The following KCNQ5 variants were observed in gnomAD, a reference collection of about 807,000 sequenced individuals.
KCNQ5 encodes potassium voltage-gated channel subfamily Q member 5, also known as potassium voltage-gated channel subfamily KQT member 5.
KCNQ5 carries 30 observed loss-of-function variants against 98.2 expected under a neutral mutation model. The observed-to-expected ratio is 0.31, with a 90% CI of 0.23 to 0.41. KCNQ5 has a LOEUF of 0.41. KCNQ5 is among the 10% of genes least tolerant of loss of function. The probability of loss-of-function intolerance (pLI) is 1.00; values close to 1 mark genes in which losing one functional copy is unlikely to be tolerated. For missense variants in KCNQ5, 835 were observed against 1,182.5 expected (o/e 0.71, Z 4.31); for synonymous variants, 458 against 449.4 (o/e 1.02, Z -0.24).
chr6:73,017,148 G>T (rs924755300), intron 2 of KCNQ5, among the ~76,000 whole-genome samples: 11 of 152,132 alleles, frequency 7.2e-5, no homozygotes, highest in African/African-American at 2.2e-4. Flanking sequence ...TCCCAAAAAT[G>T]AATAAGGCAT....
chr6:72,939,358 A>C (rs750365518), intron 1 of KCNQ5, among the ~76,000 whole-genome samples: 1 of 152,182 alleles, frequency 6.6e-6, no homozygotes, highest in Non-Finnish European at 1.5e-5. Context: ...ATTCCAGCCC[A>C]TGCGTTCTTT....
At chr6:72,807,890 G>T (rs751628865) in intron 1 of KCNQ5, among the ~76,000 whole-genome samples, 3 of 152,188 alleles carry the variant, frequency 2.0e-5, no homozygotes, top group Non-Finnish European at 2.9e-5. Flanking sequence ...AGCTGCAAGC[G>T]CAAATCCCTA....
rs564542995 is a variant in KCNQ5, at chr6:72,853,007, C to A, written c.399-150901C>A. Among the ~76,000 whole-genome samples the A allele has an allele frequency of 2.5e-3, 373 of 152,142 alleles. 1 individual carries two copies. The highest frequency in any genetic ancestry group is 4.1e-3 in the Admixed American group (63 of 15,280). On this transcript the variant is annotated intron_variant, in intron 1 of 13. Coordinates refer to ENST00000370398, the MANE Select transcript of KCNQ5 (RefSeq NM_019842.4). ...GAAGTATTTATACCATGGAAAATGG[C>A]AAATGCTGTGCATTAGCATTTATTT...
intron 1 of KCNQ5, chr6:72,986,310 T>C (rs1768774435): frequency 3.1e-6 from 1 of 319,670 alleles, no homozygotes; most frequent in East Asian, 5.0e-5. Context: ...GGGGTCACAG[T>C]GGAGCAGGCT....
intron 8 of KCNQ5, among the ~76,000 whole-genome samples, chr6:73,120,863 A>G (rs568953889): frequency 1.3e-5 from 2 of 152,316 alleles, no homozygotes; most frequent in East Asian, 3.9e-4. Flanking sequence ...CATTTCGTAA[A>G]GCCCACCAGC....
chr6:72,872,606 A>G (rs891375053), intron 1 of KCNQ5, among the ~76,000 whole-genome samples: 2 of 152,138 alleles, frequency 1.3e-5, no homozygotes, highest in African/African-American at 2.4e-5. Flanking sequence ...TAATGTGCTT[A>G]AGTAATTCAG....
intron 3 of KCNQ5, chr6:73,055,804 AC>A: frequency 2.4e-6 from 2 of 828,320 alleles, no homozygotes; most frequent in African/African-American, 1.7e-5. Flanking sequence ...GGATGAAGAG[AC>A]CATGTGCAAA....
rs576653238 is a variant in KCNQ5, at chr6:72,828,675, ACTT to A, written c.399-175226_399-175224del. Among the ~76,000 whole-genome samples the A allele has an allele frequency of 5.7e-4, 86 of 152,094 alleles. No homozygotes were observed. In the Middle Eastern group the frequency reaches 0.01, roughly 18 times the overall value. On this transcript the variant is annotated intron_variant, in intron 1 of 13. Transcript: ENST00000370398. ...TCACGTCACCTACAGAGACAATCTG[ACTT>A]CTTCTTTTCCTCTTTAAAAAAAATC...
At chr6:72,858,894 G>A (rs113955256) in intron 1 of KCNQ5, among the ~76,000 whole-genome samples, 9 of 152,196 alleles carry the variant, frequency 5.9e-5, no homozygotes, top group African/African-American at 2.2e-4. Flanking sequence ...GTCAATGCTG[G>A]TTTCTTGGTT....
intron 1 of KCNQ5, among the ~76,000 whole-genome samples, chr6:72,867,612 T>C (rs1778039510): frequency 6.6e-6 from 1 of 152,058 alleles, no homozygotes; most frequent in African/African-American, 2.4e-5. Flanking sequence ...GAAAAGAAAT[T>C]GCAGAGGTAA....
At chr6:73,061,905 A>G (rs1772799038) in intron 3 of KCNQ5, among the ~76,000 whole-genome samples, 1 of 152,192 alleles carries the variant, frequency 6.6e-6, no homozygotes, top group African/African-American at 2.4e-5. Context: ...ACCTACAATC[A>G]GAAAAAAATT....
chr6:72,999,824 T>C (rs911946535), intron 1 of KCNQ5, among the ~76,000 whole-genome samples: 1 of 152,194 alleles, frequency 6.6e-6, no homozygotes, highest in Non-Finnish European at 1.5e-5. Context: ...GCAAAATCAA[T>C]ATTCAAGATG....
chr6:73,187,661 G>A (rs1765427840), intron 11 of KCNQ5, among the ~76,000 whole-genome samples: 1 of 152,070 alleles, frequency 6.6e-6, no homozygotes, highest in African/African-American at 2.4e-5. Flanking sequence ...TAACATAAAA[G>A]ATAATCAGTT....
chr6:72,790,635 A>G (rs1176319210), intron 1 of KCNQ5, among the ~76,000 whole-genome samples: 1 of 152,204 alleles, frequency 6.6e-6, no homozygotes, highest in Admixed American at 6.5e-5. Flanking sequence ...AAATAATTTT[A>G]TTGTACATTT....
At chr6:73,066,502 G>A (rs147946041) in intron 3 of KCNQ5, among the ~76,000 whole-genome samples, 58 of 152,178 alleles carry the variant, frequency 3.8e-4, no homozygotes, top group Admixed American at 7.2e-4. Context: ...AATATTTGTC[G>A]AATGAACTAA....
chr6:72,745,290 C>T (rs1407702707), intron 1 of KCNQ5, among the ~76,000 whole-genome samples: 1 of 152,184 alleles, frequency 6.6e-6, no homozygotes, highest in Non-Finnish European at 1.5e-5. Flanking sequence ...TCTTTTACCA[C>T]CTCTATTTAT....
At chr6:72,900,571 G>C (rs1407639486) in intron 1 of KCNQ5, among the ~76,000 whole-genome samples, 1 of 144,700 alleles carries the variant, frequency 6.9e-6, no homozygotes, top group African/African-American at 2.6e-5. Flanking sequence ...CATTTGGGTT[G>C]GTTCCACAAT....
At chr6:72,777,522 C>T (rs962378156) in intron 1 of KCNQ5, among the ~76,000 whole-genome samples, 39 of 152,110 alleles carry the variant, frequency 2.6e-4, no homozygotes, top group Non-Finnish European at 8.8e-5. Context: ...ACATTAGCCC[C>T]GAGCTACGTT....
At chr6:73,123,934 TA>T (rs1406383566) in intron 8 of KCNQ5, among the ~76,000 whole-genome samples, 2 of 152,202 alleles carry the variant, frequency 1.3e-5, no homozygotes, top group African/African-American at 2.4e-5. Flanking sequence ...CTACATTTGC[TA>T]AAATGAGTTA....
Sources: allele counts gnomAD v4.1 joint callset (sites outside exome capture counted in the v4.1 genomes callset), GRCh38; gene constraint gnomAD v4.1.1; transcripts MANE v1.5; gene names NCBI Gene and HGNC (gene_info 2026-07-23, HGNC 2026-07-21).